The following JMJD1C variants were observed in gnomAD, a reference collection of about 807,000 sequenced individuals.
JMJD1C encodes the protein jumonji domain containing 1C.
Under a neutral mutation model 245.3 loss-of-function variants are expected in JMJD1C, and 31 were observed. The ratio of observed to expected loss-of-function variants is 0.13; its 90% CI spans 0.09 to 0.17. JMJD1C has a LOEUF of 0.17. JMJD1C is among the 10% of genes least tolerant of loss of function. JMJD1C has a pLI of 1.00. For synonymous variants in JMJD1C, 1,057 were observed against 1,017.4 expected (o/e 1.04, Z -0.74); for missense variants, 2,691 against 3,000.2 (o/e 0.90, Z 2.41).
At chr10:63,488,878 A>G (rs979244191) in intron 1 of JMJD1C, among the ~76,000 whole-genome samples, 6 of 152,188 alleles carry the variant, frequency 3.9e-5, no homozygotes, top group African/African-American at 1.4e-4. Context: ...TTCAGTTTTT[A>G]AAAATTCATT....
chr10:63,399,700 A>C (rs1381579290), intron 1 of JMJD1C, among the ~76,000 whole-genome samples: 1 of 152,112 alleles, frequency 6.6e-6, no homozygotes, highest in Non-Finnish European at 1.5e-5. Flanking sequence ...CACTATGTTA[A>C]AAACTCTTAA....
chr10:63,436,811 A>T (rs1365815697), intron 1 of JMJD1C, among the ~76,000 whole-genome samples: 3 of 152,292 alleles, frequency 2.0e-5, no homozygotes, highest in East Asian at 1.9e-4. Context: ...TTTCAGACAT[A>T]AGAAATCCTA....
chr10:63,499,154 T>C (rs916348587), intron 1 of JMJD1C, among the ~76,000 whole-genome samples: 5 of 152,358 alleles, frequency 3.3e-5, no homozygotes, highest in Admixed American at 2.0e-4. Context: ...ATCTTGGTTA[T>C]TCTGAATAGT....
chr10:63,452,029 T>C (rs1314049854), intron 1 of JMJD1C, among the ~76,000 whole-genome samples: 1 of 152,152 alleles, frequency 6.6e-6, no homozygotes, highest in Non-Finnish European at 1.5e-5. Flanking sequence ...ACATTAGATT[T>C]GGCAGCAACT....
intron 2 of JMJD1C, among the ~76,000 whole-genome samples, chr10:63,349,780 A>G (rs555452596): frequency 6.6e-6 from 1 of 152,308 alleles, no homozygotes; most frequent in Admixed American, 6.5e-5. Flanking sequence ...CAGAAGCGCT[A>G]CACAGTTAGG....
intron 2 of JMJD1C, among the ~76,000 whole-genome samples, chr10:63,371,409 AATTT>A (rs1946310744): frequency 6.6e-6 from 1 of 152,218 alleles, no homozygotes; most frequent in African/African-American, 2.4e-5. Context: ...CCAAAATATT[AATTT>A]AACAGCATTC....
At chr10:63,395,083 C>G (rs917543011) in intron 1 of JMJD1C, among the ~76,000 whole-genome samples, 5 of 152,088 alleles carry the variant, frequency 3.3e-5, no homozygotes, top group South Asian at 2.1e-4. Flanking sequence ...AGAAGACATA[C>G]AGGCAGCAAG....
chr10:63,230,127 C>T (rs1040985837), intron 3 of JMJD1C, among the ~76,000 whole-genome samples: 1 of 152,144 alleles, frequency 6.6e-6, no homozygotes, highest in Non-Finnish European at 1.5e-5. Flanking sequence ...AATCCCAGCA[C>T]TTTGGGAGGC....
intron 1 of JMJD1C, among the ~76,000 whole-genome samples, chr10:63,456,553 C>G (rs1952428553): frequency 6.6e-6 from 1 of 152,048 alleles, no homozygotes; most frequent in South Asian, 2.1e-4. Context: ...CTTAAAACTC[C>G]TAACTTTAAC....
intron 1 of JMJD1C, among the ~76,000 whole-genome samples, chr10:63,446,286 G>C (rs1025389301): frequency 3.3e-5 from 5 of 152,178 alleles, no homozygotes; most frequent in Non-Finnish European, 7.3e-5. Context: ...TAAACTAGAA[G>C]GATGGAGTTG....
intron 2 of JMJD1C, among the ~76,000 whole-genome samples, chr10:63,374,529 G>A (rs1946566731): frequency 6.6e-6 from 1 of 152,188 alleles, no homozygotes; most frequent in Non-Finnish European, 1.5e-5. Context: ...AATTTGTGAA[G>A]AGTGTCAGGA....
intron 10 of JMJD1C, chr10:63,204,384 T>C: frequency 2.1e-5 from 21 of 984,784 alleles, no homozygotes; most frequent in Non-Finnish European, 2.5e-5. Context: ...TGAATATGTA[T>C]ATTCGTCTCA....
chr10:63,345,134 A>G (rs10761746), intron 2 of JMJD1C, among the ~76,000 whole-genome samples: 101,034 of 152,068 alleles, frequency 0.66, 36,184 homozygotes, highest in Non-Finnish European at 0.81. Flanking sequence ...GGTATCTGTT[A>G]GCGGGTGAAT....
chr10:63,351,031 TATAG>T (rs1054353972), intron 2 of JMJD1C, among the ~76,000 whole-genome samples: 33 of 152,100 alleles, frequency 2.2e-4, no homozygotes, highest in African/African-American at 6.7e-4. Flanking sequence ...TAACATTTGA[TATAG>T]ATTCTGTTCT....
intron 1 of JMJD1C, among the ~76,000 whole-genome samples, chr10:63,402,296 A>C (rs1042020276): frequency 6.6e-6 from 1 of 152,186 alleles, no homozygotes; most frequent in Non-Finnish European, 1.5e-5. Flanking sequence ...TAAAATGAGA[A>C]AGTAAGTACA....
chr10:63,234,431 C>T (rs1589235851), intron 3 of JMJD1C, among the ~76,000 whole-genome samples: 1 of 135,464 alleles, frequency 7.4e-6, no homozygotes, highest in East Asian at 2.2e-4. Flanking sequence ...GAGGTAGAGG[C>T]TGCAGTGAGC....
chr10:63,391,061 C>G (rs1376604543), intron 1 of JMJD1C, among the ~76,000 whole-genome samples: 1 of 152,124 alleles, frequency 6.6e-6, no homozygotes, highest in Non-Finnish European at 1.5e-5. Context: ...ATGTGTCCCT[C>G]TTTGAGAATA....
rs138202261 is a variant in JMJD1C at position 63,313,850 on chromosome 10, A to G, written c.334-49086T>C. Among the ~76,000 whole-genome samples the G allele has an allele frequency of 1.3e-3, 205 of 152,282 alleles. No individual in the cohort carries two copies. In the Middle Eastern group the frequency reaches 0.014, roughly 10 times the overall value. ...TGGATATTAGTCCTTTATAGGATGT[A>G]TACACTGTGAGGATTTTCTCCCACT... is the stretch of plus-strand genomic sequence containing the variant. On this transcript the variant is annotated intron_variant, in intron 2 of 25. Coordinates refer to ENST00000399262, the MANE Select transcript of JMJD1C (RefSeq NM_032776.3).
chr10:63,470,058 T>C (rs970284790), upstream of JMJD1C, among the ~76,000 whole-genome samples: 5 of 152,180 alleles, frequency 3.3e-5, no homozygotes, highest in African/African-American at 1.2e-4. Flanking sequence ...TCTCAGACTA[T>C]GTAGGATTCC....
Sources: gnomAD v4.1 joint callset for allele counts (sites outside exome capture counted in the v4.1 genomes callset) on GRCh38, gnomAD v4.1.1 for gene constraint, MANE v1.5 for transcripts, NCBI Gene and HGNC (gene_info 2026-07-23, HGNC 2026-07-21) for gene names.